The following SLC36A4 variants were observed in gnomAD, a reference collection of about 807,000 sequenced individuals.
SLC36A4 encodes neutral amino acid uniporter 4.
SLC36A4 carries 49 observed loss-of-function variants against 50.5 expected under a neutral mutation model. The observed-to-expected ratio is 0.97, with a 90% confidence interval of 0.77 to 1.23. The LOEUF (loss-of-function observed/expected upper bound fraction) is 1.23, where lower values mean the gene tolerates loss of function less well. SLC36A4 is among the 50% of genes most tolerant of loss of function. The pLI is 0.00. For synonymous variants in SLC36A4, 207 were observed against 206.5 expected, an observed-to-expected ratio of 1.00 and a Z score of -0.02; for missense variants, 611 against 608.4, an observed-to-expected ratio of 1.00 and a Z score of -0.05.
intron 1 of SLC36A4, among the ~76,000 whole-genome samples, chr11:93,188,484 T>C (rs1295912385): frequency 6.6e-6 from 1 of 152,246 alleles, no homozygotes; most frequent in South Asian, 2.1e-4. Context: ...GGATTTTCTA[T>C]AATTCAAAGT....
intron 5 of SLC36A4, 26 bp downstream of exon 5, chr11:93,181,665 A>G (rs1411593467): frequency 5.5e-6 from 8 of 1,445,068 alleles, no homozygotes; most frequent in Admixed American, 2.8e-5. Flanking sequence ...TAACAATCAT[A>G]TATTAATAAC....
chr11:93,160,735 C>T (rs1304262863), intron 9 of SLC36A4: 14 of 983,538 alleles, frequency 1.4e-5, no homozygotes, highest in East Asian at 2.3e-4. Flanking sequence ...TAAATAAGAC[C>T]GGGAAAGAAT....
At chr11:93,154,414 T>TACAAAC in intron 9 of SLC36A4, 137 bp from the exon 10 acceptor site, 1 of 405,312 alleles carries the variant, frequency 2.5e-6, no homozygotes, top group Non-Finnish European at 4.3e-6. Flanking sequence ...AATGCTTGTT[T>TACAAAC]GTAAAAAAGG....
At chr11:93,160,155 C>T in intron 9 of SLC36A4, 1 of 985,408 alleles carries the variant, frequency 1.0e-6, no homozygotes, top group Non-Finnish European at 1.2e-6. Flanking sequence ...ACAAGCAACT[C>T]TTCTCTTGTA....
intron 10 of SLC36A4, chr11:93,152,277 T>A (rs1860126698): frequency 6.6e-6 from 1 of 152,122 alleles, no homozygotes; most frequent in South Asian, 2.1e-4. Context: ...CCATCAACTG[T>A]CTACACACAT....
rs902077073 is a variant in SLC36A4 at position 93,160,750 on chromosome 11, A to G, written c.1037+1956T>C. ...TAAATAAGACCGGGAAAGAATTTTG[A>G]CATTATTTCCATGTACCTTTTACAT... On this transcript the variant is annotated intron_variant, in intron 9 of 10. Transcript: ENST00000326402. The G allele has an allele frequency of 7.1e-6, 7 of 980,732 alleles. No homozygotes were observed. In the South Asian group the frequency reaches 3.3e-4, roughly 46 times the overall value. 60.8% of individuals were successfully genotyped at this position (980,732 alleles called of 1,614,324 possible). A position where few individuals can be genotyped will look rare whatever the true frequency, so the allele number is the denominator to read the frequency against.
In SLC36A4 at chr11:93,162,330, C is replaced by T. The variant is rs1244078917; in HGVS notation, c.1037+376G>A. ...CAGTAATTTTTTTTTTGTTTTGAGA[C>T]GGAGTTTCGCTCTTGTCACCCAGGC... On this transcript the variant is annotated intron_variant, in intron 9 of 10. Coordinates refer to ENST00000326402, the MANE Select transcript of SLC36A4 (RefSeq NM_152313.4). 4.6e-5 allele frequency among the ~76,000 whole-genome samples: 7 copies of T among 151,774 alleles called. No individual in the cohort carries two copies. In the East Asian group the frequency reaches 5.8e-4, roughly 13 times the overall value.
Position 93,150,107 on chromosome 11 carries a change from C to T in SLC36A4, c.1208-1263G>A, listed in dbSNP as rs1211127148. 3.3e-5 allele frequency among the ~76,000 whole-genome samples: 5 copies of T among 151,966 alleles called. No individual in the cohort carries two copies. The South Asian group carries it at 1.0e-3, about 32-fold the overall frequency. On this transcript the variant is annotated intron_variant, in intron 10 of 10. Coordinates refer to ENST00000326402, the MANE Select transcript of SLC36A4 (RefSeq NM_152313.4). ...TTTGCAAAAACCAAGACTCATATTC[C>T]TTCTTTATTTGTCCTTAACGGTTTT...
rs1434384899 is a variant in SLC36A4 at position 93,197,767 on chromosome 11, A to G, written c.55+11T>C. ...GTCAGCCCCGGCTCCCTGCCCACGC[A>G]CAACACCGACCTAGCTCCTCGCGCC... On this transcript the variant is annotated intron_variant, in intron 1 of 10. Coordinates refer to ENST00000326402, the MANE Select transcript of SLC36A4 (RefSeq NM_152313.4). The G allele has an allele frequency of 5.0e-6, 8 of 1,589,458 alleles. No individual in the cohort carries two copies. Among genetic ancestry groups the G allele is most frequent in the Non-Finnish European group, 6.8e-6 (8 of 1,174,518 alleles).
intron 10 of SLC36A4, among the ~76,000 whole-genome samples, chr11:93,150,558 C>A (rs537710483): frequency 9.7e-4 from 148 of 152,054 alleles, no homozygotes; most frequent in African/African-American, 3.5e-3. Flanking sequence ...CGTAGCTTTA[C>A]ATCTATAGGG....
intron 1 of SLC36A4, among the ~76,000 whole-genome samples, chr11:93,191,300 CTGGCATTGG>C (rs1156561037): frequency 1.3e-5 from 2 of 152,102 alleles, no homozygotes; most frequent in African/African-American, 4.8e-5. Flanking sequence ...GCTTTTAGCC[CTGGCATTGG>C]TCACAAGGCT....
chr11:93,172,005 T>G (rs1861162574), intron 6 of SLC36A4: 1 of 152,274 alleles, frequency 6.6e-6, no homozygotes, highest in Non-Finnish European at 1.5e-5. Context: ...TTCACTCTAT[T>G]CTGTAGTCAC....
intron 1 of SLC36A4, among the ~76,000 whole-genome samples, chr11:93,187,957 C>A (rs561854818): frequency 6.6e-6 from 1 of 152,294 alleles, no homozygotes; most frequent in African/African-American, 2.4e-5. Flanking sequence ...AACTTCTAGA[C>A]CTGACCTCTG....
intron 8 of SLC36A4, among the ~76,000 whole-genome samples, chr11:93,164,849 T>G (rs892494031): frequency 2.0e-5 from 3 of 152,108 alleles, no homozygotes; most frequent in African/African-American, 7.2e-5. Context: ...GTAAAAGGAA[T>G]CACTCCAGTG....
chr11:93,193,267 TAAC>T (rs1346510407), intron 1 of SLC36A4, among the ~76,000 whole-genome samples: 1 of 152,092 alleles, frequency 6.6e-6, no homozygotes, highest in East Asian at 1.9e-4. Flanking sequence ...GATAAACACT[TAAC>T]AACTCAACAT....
At position 93,184,920 on chromosome 11, in the gene SLC36A4, A is replaced by G. The variant is rs149290381; in HGVS notation, c.180-400T>C. Among the ~76,000 whole-genome samples, 1,087 of 152,314 alleles carry G rather than the reference A, an allele frequency of 7.1e-3. 12 individuals are homozygous for G. Among genetic ancestry groups the G allele is most frequent in the African/African-American group, 0.025 (1,033 of 41,574 alleles). ...AGCAATGTTGAGTATTTGGTTGGTA[A>G]CACAGCAATGTATTGACACTACCTA... On this transcript the variant is annotated intron_variant, in intron 2 of 10. Transcript: ENST00000326402.
rs371116086 is a variant in SLC36A4 at position 93,162,589 on chromosome 11, A to G, written c.1037+117T>C. The G allele has an allele frequency of 2.4e-4, 211 of 891,166 alleles. 1 individual carries two copies. The African/African-American group carries it at 3.2e-3, about 14-fold the overall frequency. 55.2% of individuals were successfully genotyped at this position (891,166 alleles called of 1,614,324 possible). The stretch of plus-strand genomic sequence containing the variant: ...CTCCCAAAGTGATGGGATTCCAGGA[A>G]ATCACAGTAAAAATTTTAAATGTTT... On this transcript the variant is annotated intron_variant, in intron 9 of 10. Transcript: ENST00000326402.
At chr11:93,196,666 G>A (rs564058027) in intron 1 of SLC36A4, among the ~76,000 whole-genome samples, 10 of 152,324 alleles carry the variant, frequency 6.6e-5, no homozygotes, top group African/African-American at 2.4e-4. Context: ...ACCGCGCCAG[G>A]CCGATATGTA....
intron 10 of SLC36A4, chr11:93,152,021 T>C (rs981763758): frequency 6.6e-6 from 1 of 152,040 alleles, no homozygotes; most frequent in East Asian, 1.9e-4. Flanking sequence ...TCTAAAGTTT[T>C]TGAATTTCAC....
Sources: gnomAD v4.1 joint callset for allele counts (sites outside exome capture counted in the v4.1 genomes callset) on GRCh38, gnomAD v4.1.1 for gene constraint, MANE v1.5 for transcripts, NCBI Gene and HGNC (gene_info 2026-07-23, HGNC 2026-07-21) for gene names.